SPAST: variants seen among roughly 807,000 people sequenced by gnomAD.
SPAST encodes the protein spastin.
A neutral mutation model predicts 76.6 loss-of-function variants in SPAST; 30 were observed. The observed-to-expected ratio is 0.39, with a 90% CI of 0.29 to 0.53. The LOEUF is 0.53. Ranked by LOEUF, SPAST falls within the 20% of genes least tolerant of loss-of-function variation. The pLI, the probability that SPAST is intolerant of heterozygous loss-of-function variation, is 0.68. For missense variants in SPAST, 717 were observed against 770.5 expected (o/e 0.93, Z 0.82); for synonymous variants, 305 against 281.0 (o/e 1.09, Z -0.86).
At chr2:32,115,229 T>A (rs1006936636) in intron 5 of SPAST, among the ~76,000 whole-genome samples, 3 of 152,228 alleles carry the variant, frequency 2.0e-5, no homozygotes, top group African/African-American at 7.2e-5. Flanking sequence ...ATTACAGGCG[T>A]GAGCCACCGT....
chr2:32,143,200 C>T (rs1050227699), intron 13 of SPAST, 136 bp from the exon 14 acceptor site: 11 of 576,884 alleles, frequency 1.9e-5, no homozygotes, highest in East Asian at 9.2e-5. Flanking sequence ...CCCAGGATAT[C>T]GAGGCTATAG....
chr2:32,083,776 A>ATATTTTT (rs1553398791), intron 1 of SPAST, among the ~76,000 whole-genome samples: 2 of 46,090 alleles, frequency 4.3e-5, no homozygotes, highest in Non-Finnish European at 7.5e-5. Context: ...ATATATATAT[A>ATATTTTT]TTTTTTTTTT....
chr2:32,114,956 A>AGT, intron 5 of SPAST, 131 bp downstream of exon 5: 1 of 556,034 alleles, frequency 1.8e-6, no homozygotes, highest in Non-Finnish European at 2.9e-6. Flanking sequence ...CATAAAGTTA[A>AGT]ATTTTTTTTT....
At chr2:32,147,915 G>A (rs1236117528) in intron 16 of SPAST, among the ~76,000 whole-genome samples, 1 of 148,208 alleles carries the variant, frequency 6.7e-6, no homozygotes, top group African/African-American at 2.5e-5. Flanking sequence ...ACAGGCGTGA[G>A]CCACTGCGCC....
At chr2:32,129,294 T>G (rs980392534) in intron 9 of SPAST, 7 of 151,980 alleles carry the variant, frequency 4.6e-5, no homozygotes, top group Admixed American at 2.6e-4. Flanking sequence ...CTCGCTATGT[T>G]GCCAGGCTAC....
At chr2:32,125,132 G>A (rs1027262449) in intron 7 of SPAST, among the ~76,000 whole-genome samples, 2 of 152,116 alleles carry the variant, frequency 1.3e-5, no homozygotes, top group Non-Finnish European at 2.9e-5. Context: ...GGAAAGGAAT[G>A]AGAGGTTATA....
Position 32,114,674 on chromosome 2 carries a change from C to G in SPAST, c.719C>G (p.Thr240Arg), listed in dbSNP as rs1332646136. ...GTTCCAAAAAGAAAAGACCCCTTAACACACACTAGTAATTCACTGCCTCGT... is the reference window on the plus strand; with the variant it reads ...GTTCCAAAAAGAAAAGACCCCTTAAGACACACTAGTAATTCACTGCCTCGT... Reference protein sequence around the residue: ...GAVPKRKDPLTHTSNSLPRSK... With the variant: ...GAVPKRKDPLRHTSNSLPRSK... The change falls in exon 5 of 17, where the codon ACA (threonine) becomes AGA (arginine). Residue 240 changes from threonine (T) to arginine (R), a missense_variant. Thr to Arg is a moderately conservative substitution (Grantham distance 71). Coordinates refer to ENST00000315285, the MANE Select transcript of SPAST (RefSeq NM_014946.4). The G allele has an allele frequency of 6.2e-7, 1 of 1,614,126 alleles. No homozygotes were observed. Among genetic ancestry groups the G allele is most frequent in the Non-Finnish European group, 8.5e-7 (1 of 1,179,990 alleles).
intron 4 of SPAST, among the ~76,000 whole-genome samples, chr2:32,106,772 T>C (rs1036249157): frequency 5.3e-5 from 8 of 152,150 alleles, no homozygotes; most frequent in Admixed American, 3.9e-4. Context: ...GCAGTTTCCC[T>C]CTTCCCATTC....
intron 1 of SPAST, among the ~76,000 whole-genome samples, chr2:32,074,707 A>G (rs1015024081): frequency 4.0e-5 from 6 of 151,806 alleles, no homozygotes; most frequent in Non-Finnish European, 7.4e-5. Context: ...GGGTTTCACC[A>G]TGTTGAGCAG....
chr2:32,084,712 C>T (rs1475150846), intron 1 of SPAST, among the ~76,000 whole-genome samples: 1 of 150,686 alleles, frequency 6.6e-6, no homozygotes, highest in Non-Finnish European at 1.5e-5. Context: ...ATGGTGAAAC[C>T]CCGTCTCTAC....
intron 1 of SPAST, among the ~76,000 whole-genome samples, chr2:32,080,122 T>C (rs979405239): frequency 2.6e-5 from 4 of 152,194 alleles, no homozygotes; most frequent in African/African-American, 7.2e-5. Context: ...TCCTAAAGGG[T>C]ATGAAGTGGT....
At chr2:32,100,964 G>C (rs992721187) in intron 4 of SPAST, among the ~76,000 whole-genome samples, 7 of 152,130 alleles carry the variant, frequency 4.6e-5, no homozygotes, top group Admixed American at 6.6e-5. Flanking sequence ...ATAATCCTTT[G>C]GGTATATACC....
intron 1 of SPAST, among the ~76,000 whole-genome samples, chr2:32,080,566 A>T (rs1283853997): frequency 6.6e-6 from 1 of 150,712 alleles, no homozygotes; most frequent in Admixed American, 6.7e-5. Context: ...GTTAAAAGAG[A>T]AATGTCTATG....
chr2:32,071,439 C>G (rs530932345), intron 1 of SPAST, among the ~76,000 whole-genome samples: 1 of 152,088 alleles, frequency 6.6e-6, no homozygotes, highest in Non-Finnish European at 1.5e-5. Flanking sequence ...AAAATAACTT[C>G]GTCAATGAAA....
chr2:32,119,780 C>T (rs561737039), intron 7 of SPAST, among the ~76,000 whole-genome samples: 68 of 152,290 alleles, frequency 4.5e-4, no homozygotes, highest in African/African-American at 1.6e-3. Context: ...TAAAGTATAT[C>T]ACAGTGATCT....
At chr2:32,113,760 T>C (rs1227222267) in intron 4 of SPAST, among the ~76,000 whole-genome samples, 2 of 151,088 alleles carry the variant, frequency 1.3e-5, no homozygotes, top group Non-Finnish European at 2.9e-5. Flanking sequence ...AGAGACGAGG[T>C]TTCACCATGT....
intron 4 of SPAST, among the ~76,000 whole-genome samples, chr2:32,113,121 TGA>T (rs1042214128): frequency 6.6e-6 from 1 of 152,064 alleles, no homozygotes; most frequent in Non-Finnish European, 1.5e-5. Context: ...CAATTAAAAT[TGA>T]TTATTATTAT....
intron 1 of SPAST, among the ~76,000 whole-genome samples, chr2:32,073,503 A>T (rs1676834271): frequency 6.6e-6 from 1 of 152,092 alleles, no homozygotes; most frequent in Non-Finnish European, 1.5e-5. Flanking sequence ...AAATGTTTTT[A>T]AAGCAAGATA....
chr2:32,117,590 G>A (rs1394769326), intron 7 of SPAST, among the ~76,000 whole-genome samples: 1 of 144,998 alleles, frequency 6.9e-6, no homozygotes, highest in African/African-American at 2.6e-5. Context: ...GGAGTGCAGT[G>A]GCTTGATGTT....
Sources: allele counts gnomAD v4.1 joint callset (sites outside exome capture counted in the v4.1 genomes callset), GRCh38; gene constraint gnomAD v4.1.1; transcripts MANE v1.5; gene names NCBI Gene and HGNC (gene_info 2026-07-23, HGNC 2026-07-21).